FAM228A: variants seen among roughly 807,000 people sequenced by gnomAD.
FAM228A encodes protein FAM228A.
A neutral mutation model predicts 18.6 loss-of-function variants in FAM228A; 13 were observed. That is an observed-to-expected ratio of 0.70 (90% CI 0.45 to 1.11). The LOEUF (loss-of-function observed/expected upper bound fraction) is 1.11. FAM228A is among the 50% of genes least tolerant of loss of function. The pLI is 0.00. For missense variants in FAM228A, 240 were observed against 242.2 expected, an observed-to-expected ratio of 0.99 and a Z score of 0.06; for synonymous variants, 77 against 86.6, an observed-to-expected ratio of 0.89 and a Z score of 0.61.
At chr2:24,179,246 C>A in intron 3 of FAM228A, 3 of 751,046 alleles carry the variant, frequency 4.0e-6, no homozygotes, top group African/African-American at 5.1e-5. Context: ...ATATAAAGAG[C>A]TTAAAATGAA....
chr2:24,189,448 T>C lies in FAM228A; in HGVS notation c.402-964T>C, dbSNP rs566475176. On this transcript the variant is annotated intron_variant, in intron 5 of 5. Coordinates refer to ENST00000295150, the MANE Select transcript of FAM228A (RefSeq NM_001040710.3). ...CTCTGTCTGTCACTGGCCATTCCAG[T>C]GCAGGCAAGAGGGCAGTTATCACAG... Among the ~76,000 whole-genome samples, 17 of 152,324 alleles carry C rather than the reference T, an allele frequency of 1.1e-4. No individual in the cohort carries two copies. In the East Asian group the frequency reaches 3.1e-3, roughly 28 times the overall value.
intron 5 of FAM228A, among the ~76,000 whole-genome samples, chr2:24,187,506 A>G (rs1421008931): frequency 2.0e-5 from 3 of 152,228 alleles, no homozygotes; most frequent in African/African-American, 7.2e-5. Context: ...ACAAATGTAC[A>G]ATGACATGTA....
chr2:24,183,432 A>C, intron 4 of FAM228A, 60 bp downstream of exon 4: 1 of 1,609,650 alleles, frequency 6.2e-7, no homozygotes, highest in South Asian at 1.1e-5. Context: ...GTGATTTCTC[A>C]CTCCTTCAAG....
chr2:24,175,226 C>T, intron 1 of FAM228A, 52 bp downstream of exon 1: 1 of 463,874 alleles, frequency 2.2e-6, no homozygotes, highest in Non-Finnish European at 3.9e-6. Context: ...CCAGGGAGGG[C>T]TGTGGCAGGG....
rs1668081620 is a variant in FAM228A, at chr2:24,191,399, C to T, written c.*768C>T. 1.0e-6 allele frequency: 1 copy of T among 985,380 alleles called. No homozygotes were observed. Among genetic ancestry groups the T allele is most frequent in the South Asian group, 4.7e-5 (1 of 21,290 alleles). The allele number at this position is 985,380 out of a possible 1,614,324, so 61.0% of individuals were successfully genotyped here. ...CTCCTGCTCAGTCCCATCGCTGTCC[C>T]CGGTCTCTCCAGGGAGTAAGGGATT... On this transcript the variant is annotated 3_prime_UTR_variant, in exon 6 of 6. Coordinates refer to ENST00000295150, the MANE Select transcript of FAM228A (RefSeq NM_001040710.3).
At chr2:24,188,291 G>A (rs1309309322) in intron 5 of FAM228A, among the ~76,000 whole-genome samples, 1 of 152,128 alleles carries the variant, frequency 6.6e-6, no homozygotes, top group Non-Finnish European at 1.5e-5. Flanking sequence ...TACATGTGCA[G>A]ATTGTGCAGG....
At chr2:24,190,373 G>T (rs759794290) in intron 5 of FAM228A, 39 bp from the exon 6 acceptor site, 5 of 1,558,304 alleles carry the variant, frequency 3.2e-6, no homozygotes, top group Non-Finnish European at 3.5e-6. Context: ...AATTCCATCT[G>T]TGCTGAATCG....
chr2:24,191,332 G>C lies in FAM228A; in HGVS notation c.*701G>C, dbSNP rs1668080035. ...ACACACAGGATGGGGGACTGCTGCT[G>C]CTTTCCAGCCTGTGAGCCTGGATAG... is the stretch of plus-strand genomic sequence containing the variant. On this transcript the variant is annotated 3_prime_UTR_variant, in exon 6 of 6. Coordinates refer to ENST00000295150, the MANE Select transcript of FAM228A (RefSeq NM_001040710.3). 1.0e-6 allele frequency: 1 copy of C among 985,696 alleles called. No homozygotes were observed. The highest frequency in any genetic ancestry group is 1.7e-5 in the African/African-American group (1 of 57,374). The allele number at this position is 985,696 out of a possible 1,614,324, so 61.1% of individuals were successfully genotyped here. A position where few individuals can be genotyped will look rare whatever the true frequency, so the allele number is the denominator to read the frequency against.
chr2:24,187,030 A>G (rs1452744646), intron 5 of FAM228A, among the ~76,000 whole-genome samples: 2 of 152,176 alleles, frequency 1.3e-5, no homozygotes, highest in Non-Finnish European at 2.9e-5. Flanking sequence ...ATTCCTATGT[A>G]CCTATCACCC....
chr2:24,176,798 AT>A (rs538093232), intron 2 of FAM228A, among the ~76,000 whole-genome samples: 136 of 152,278 alleles, frequency 8.9e-4, no homozygotes, highest in African/African-American at 3.2e-3. Flanking sequence ...AACCTGTATC[AT>A]TTTTCATCAG....
In FAM228A at chr2:24,191,240, C is replaced by T; in HGVS notation, c.*609C>T. The T allele has an allele frequency of 1.0e-6, 1 of 985,576 alleles. No homozygotes were observed. The highest frequency in any genetic ancestry group is 1.2e-6 in the Non-Finnish European group (1 of 830,070). 61.1% of individuals were successfully genotyped at this position (985,576 alleles called of 1,614,324 possible). On this transcript the variant is annotated 3_prime_UTR_variant, in exon 6 of 6. Coordinates refer to ENST00000295150, the MANE Select transcript of FAM228A (RefSeq NM_001040710.3). Reference sequence around the variant, plus strand: ...GGCGCAGGACCCTCCCAGGGAAGGCCTAGGGGGCTTGGTGGGCCACCGCTC... The same window carrying T: ...GGCGCAGGACCCTCCCAGGGAAGGCTTAGGGGGCTTGGTGGGCCACCGCTC...
At chr2:24,185,440 A>G (rs1667924856) in intron 5 of FAM228A, among the ~76,000 whole-genome samples, 1 of 152,244 alleles carries the variant, frequency 6.6e-6, no homozygotes, top group Non-Finnish European at 1.5e-5. Flanking sequence ...TCATGTAGAC[A>G]TACACACATA....
At chr2:24,175,770 TGGCGCACCGACGGGGGCG>T (rs1465188725) in intron 2 of FAM228A, 197 bp downstream of exon 2, 1 of 767,668 alleles carries the variant, frequency 1.3e-6, no homozygotes, top group Non-Finnish European at 1.9e-6. Context: ...GCCTGGGGGC[TGGCGCACCGACGGGGGCG>T]GGCAGCCGGG....
Position 24,190,649 on chromosome 2 carries a change from C to T in FAM228A, c.*18C>T, listed in dbSNP as rs1486749281. 1 of 1,520,146 alleles carries T rather than the reference C, an allele frequency of 6.6e-7. No homozygotes were observed. 94.2% of individuals were successfully genotyped at this position (1,520,146 alleles called of 1,614,324 possible). A position where few individuals can be genotyped will look rare whatever the true frequency, so the allele number is the denominator to read the frequency against. On this transcript the variant is annotated 3_prime_UTR_variant, in exon 6 of 6. Coordinates refer to ENST00000295150, the MANE Select transcript of FAM228A (RefSeq NM_001040710.3). ...CAGAATGAGCCACCGCCACAGCCCTCCCTGTCAGACAGGCACCCAAGGGCG... is the reference window on the plus strand; with the variant it reads ...CAGAATGAGCCACCGCCACAGCCCTTCCTGTCAGACAGGCACCCAAGGGCG...
At position 24,191,687 on chromosome 2, in the gene FAM228A, T is replaced by C. The variant is rs981795827; in HGVS notation, c.*1056T>C. On this transcript the variant is annotated 3_prime_UTR_variant, in exon 6 of 6. Coordinates refer to ENST00000295150, the MANE Select transcript of FAM228A (RefSeq NM_001040710.3). Reference sequence around the variant, plus strand: ...CTGAGCAAACTGCAAATATATGTTATTAGTAACTGTAGTATCTGTGTTGTC... The same window carrying C: ...CTGAGCAAACTGCAAATATATGTTACTAGTAACTGTAGTATCTGTGTTGTC... The C allele has an allele frequency of 6.0e-6, 1 of 167,404 alleles. No homozygotes were observed. The highest frequency in any genetic ancestry group is 2.4e-5 in the African/African-American group (1 of 41,772). 10.4% of individuals were successfully genotyped at this position (167,404 alleles called of 1,614,324 possible).
At chr2:24,175,351 C>A in intron 1 of FAM228A, 116 bp from the exon 2 acceptor site, 1 of 752,544 alleles carries the variant, frequency 1.3e-6, no homozygotes, top group Non-Finnish European at 2.3e-6. Context: ...TGTTGGGTGA[C>A]TCGGCTCAGC....
chr2:24,177,970 CT>C (rs1213757885), intron 3 of FAM228A, 100 bp downstream of exon 3: 1 of 734,460 alleles, frequency 1.4e-6, no homozygotes, highest in East Asian at 2.7e-5. Flanking sequence ...ATCCAAGAGA[CT>C]CATTTTGCAG....
chr2:24,183,188 C>T, intron 3 of FAM228A, 97 bp from the exon 4 acceptor site: 1 of 900,918 alleles, frequency 1.1e-6, no homozygotes, highest in Middle Eastern at 2.8e-4. Context: ...CTCTTGTAGT[C>T]CTCAGGGTCT....
chr2:24,178,879 C>A (rs1413127057), intron 3 of FAM228A, among the ~76,000 whole-genome samples: 1 of 152,190 alleles, frequency 6.6e-6, no homozygotes, highest in African/African-American at 2.4e-5. Context: ...GTGGTTAAAT[C>A]TGAAGGCACA....
Sources: allele counts gnomAD v4.1 joint callset (sites outside exome capture counted in the v4.1 genomes callset), GRCh38; gene constraint gnomAD v4.1.1; transcripts MANE v1.5; gene names NCBI Gene and HGNC (gene_info 2026-07-23, HGNC 2026-07-21).